Variants in WDR70 observed in about 807,000 individuals in gnomAD.
WDR70 encodes the protein WD repeat domain 70.
Under a neutral mutation model 88.6 loss-of-function variants are expected in WDR70, and 53 were observed. That is an observed-to-expected ratio of 0.60 (90% CI 0.48 to 0.75). The LOEUF (loss-of-function observed/expected upper bound fraction) is 0.75, where lower values mean the gene tolerates loss of function less well. WDR70 is among the 30% of genes least tolerant of loss of function. The pLI is 0.00. For synonymous variants in WDR70, 280 were observed against 270.0 expected (o/e 1.04, Z -0.36); for missense variants, 610 against 823.2 (o/e 0.74, Z 3.17).
At chr5:37,566,090 C>A (rs181922249) in intron 9 of WDR70, among the ~76,000 whole-genome samples, 17 of 152,140 alleles carry the variant, frequency 1.1e-4, no homozygotes, top group South Asian at 4.1e-4. Flanking sequence ...CAAAATGAAA[C>A]CCTGTATTCC....
At chr5:37,507,704 C>T (rs1020407232) in intron 8 of WDR70, among the ~76,000 whole-genome samples, 7 of 152,116 alleles carry the variant, frequency 4.6e-5, no homozygotes, top group South Asian at 2.1e-4. Context: ...CTGTTTCTTT[C>T]GTGTACATTT....
At chr5:37,480,176 C>T (rs41270335) in intron 8 of WDR70, among the ~76,000 whole-genome samples, 189 bp downstream of exon 8, 24,696 of 152,166 alleles carry the variant, frequency 0.16, 2,132 homozygotes, top group South Asian at 0.27. Context: ...GCACTAGGAT[C>T]GCTGTAAGAT....
chr5:37,469,339 G>A (rs567032147), intron 7 of WDR70, among the ~76,000 whole-genome samples: 14 of 152,276 alleles, frequency 9.2e-5, no homozygotes, highest in African/African-American at 3.4e-4. Flanking sequence ...AGAGCTAATG[G>A]TCTTGCTTCT....
intron 5 of WDR70, among the ~76,000 whole-genome samples, chr5:37,403,645 C>T (rs2111930342): frequency 6.6e-6 from 1 of 152,150 alleles, no homozygotes; most frequent in South Asian, 2.1e-4. Flanking sequence ...GATATTTTAG[C>T]AAATATTGTT....
rs1749016041 is a variant in WDR70 at position 37,396,444 on chromosome 5, A to C, written c.366A>C (p.Leu122Phe). ...SSDDELIGPP[L>F]PPKMVGKPVN... ...ATGATGAGTTAATTGGCCCTCCTTT[A>C]CCCCCTAAAATGGTAGGAAAACCAG... Residue 122 changes from leucine (L) to phenylalanine (F), a missense_variant, in exon 5 of 18, where the codon TTA becomes TTC. Transcript: ENST00000265107. 6.2e-7 allele frequency: 1 copy of C among 1,613,806 alleles called. No homozygotes were observed. The highest frequency in any genetic ancestry group is 1.3e-5 in the African/African-American group (1 of 74,856).
At chr5:37,738,172 A>T (rs749495426) in intron 17 of WDR70, among the ~76,000 whole-genome samples, 4 of 152,186 alleles carry the variant, frequency 2.6e-5, no homozygotes, top group Non-Finnish European at 5.9e-5. Flanking sequence ...GTCAGAGTTC[A>T]TCTGGGCCAT....
chr5:37,464,748 C>T lies in WDR70; in HGVS notation c.687-15086C>T, dbSNP rs141940912. Among the ~76,000 whole-genome samples the T allele has an allele frequency of 9.3e-4, 141 of 152,300 alleles. 1 individual carries two copies. In the East Asian group the frequency reaches 0.022, roughly 24 times the overall value. Reference sequence around the variant, plus strand: ...AGGTACTGATGGAAGATACTGGGTGCTGCTGACTGCTGTGCACTTCAGGAG... The same window carrying T: ...AGGTACTGATGGAAGATACTGGGTGTTGCTGACTGCTGTGCACTTCAGGAG... On this transcript the variant is annotated intron_variant, in intron 7 of 17. Coordinates refer to ENST00000265107, the MANE Select transcript of WDR70 (RefSeq NM_018034.4).
intron 8 of WDR70, among the ~76,000 whole-genome samples, chr5:37,512,208 C>A (rs1180915406): frequency 2.0e-5 from 3 of 151,980 alleles, no homozygotes; most frequent in Admixed American, 6.6e-5. Context: ...TTTCTCTTCT[C>A]TTTTCTTCTT....
At chr5:37,713,112 G>T (rs533573415) in intron 13 of WDR70, among the ~76,000 whole-genome samples, 3 of 152,212 alleles carry the variant, frequency 2.0e-5, no homozygotes, top group Admixed American at 2.0e-4. Flanking sequence ...TTTACTGTAG[G>T]AATCCAGATT....
intron 7 of WDR70, among the ~76,000 whole-genome samples, chr5:37,445,938 A>G (rs1738461147): frequency 6.6e-6 from 1 of 152,170 alleles, no homozygotes; most frequent in Non-Finnish European, 1.5e-5. Flanking sequence ...AGTTCTGGCC[A>G]GGCAATCAGG....
intron 7 of WDR70, among the ~76,000 whole-genome samples, chr5:37,443,807 G>C (rs1351768679): frequency 6.6e-6 from 1 of 152,020 alleles, no homozygotes; most frequent in Non-Finnish European, 1.5e-5. Flanking sequence ...AGCTGAGATT[G>C]TGCCACTGCA....
intron 17 of WDR70, among the ~76,000 whole-genome samples, chr5:37,741,452 G>A (rs375482297): frequency 5.9e-5 from 9 of 152,142 alleles, no homozygotes; most frequent in East Asian, 5.8e-4. Context: ...GACTAGTTTC[G>A]TGGAAGACAA....
At chr5:37,549,230 ATGG>A (rs1742076287) in intron 9 of WDR70, among the ~76,000 whole-genome samples, 1 of 152,206 alleles carries the variant, frequency 6.6e-6, no homozygotes, top group Non-Finnish European at 1.5e-5. Flanking sequence ...TCTGGGTAGT[ATGG>A]ACATTTTAAC....
intron 4 of WDR70, among the ~76,000 whole-genome samples, chr5:37,393,912 G>C (rs1264399402): frequency 6.6e-6 from 1 of 152,064 alleles, no homozygotes; most frequent in Non-Finnish European, 1.5e-5. Flanking sequence ...GAACTCCTGA[G>C]CTCAAGCAAT....
intron 7 of WDR70, among the ~76,000 whole-genome samples, chr5:37,454,521 CAG>C (rs1738774953): frequency 6.6e-6 from 1 of 152,004 alleles, no homozygotes; most frequent in South Asian, 2.1e-4. Flanking sequence ...AAAGAAAAAA[CAG>C]ATACCTACTG....
At chr5:37,653,268 C>G (rs960494510) in intron 10 of WDR70, among the ~76,000 whole-genome samples, 3 of 152,168 alleles carry the variant, frequency 2.0e-5, no homozygotes, top group Admixed American at 2.0e-4. Context: ...GTTGAACCAG[C>G]CTTGCATCCC....
chr5:37,685,799 C>T (rs1205407575), intron 10 of WDR70, among the ~76,000 whole-genome samples: 2 of 152,084 alleles, frequency 1.3e-5, no homozygotes, highest in Admixed American at 6.5e-5. Context: ...AGGCCCGTGG[C>T]GAGAGTGGGT....
intron 5 of WDR70, 150 bp from the exon 6 acceptor site, chr5:37,437,772 A>G (rs928036834): frequency 4.9e-6 from 3 of 614,402 alleles, no homozygotes; most frequent in African/African-American, 1.9e-5. Context: ...GAAAAAAGAT[A>G]CTCTCACACT....
intron 10 of WDR70, among the ~76,000 whole-genome samples, chr5:37,625,729 G>A (rs761517884): frequency 2.6e-5 from 4 of 151,826 alleles, no homozygotes; most frequent in East Asian, 3.9e-4. Flanking sequence ...TGGTTTCACC[G>A]TGTTGGCCAG....
Sources: allele counts gnomAD v4.1 joint callset (sites outside exome capture counted in the v4.1 genomes callset), GRCh38; gene constraint gnomAD v4.1.1; transcripts MANE v1.5; gene names NCBI Gene and HGNC (gene_info 2026-07-23, HGNC 2026-07-21).